INPP5D: variants seen among roughly 807,000 people sequenced by gnomAD.
INPP5D encodes the protein inositol polyphosphate-5-phosphatase D.
Under a neutral mutation model 122.9 loss-of-function variants are expected in INPP5D, and 33 were observed. The observed-to-expected ratio is 0.27, with a 90% CI of 0.20 to 0.36. The LOEUF (loss-of-function observed/expected upper bound fraction) is 0.36. INPP5D is among the 10% of genes least tolerant of loss of function. INPP5D has a pLI of 1.00. For missense variants in INPP5D, 1,053 were observed against 1,412.7 expected (o/e 0.75, Z 4.08); for synonymous variants, 584 against 576.2 (o/e 1.01, Z -0.19).
At chr2:233,086,119 C>CTCTTTCTTTCCTTCTTTCTTTCTT (rs1553569181) in intron 2 of INPP5D, among the ~76,000 whole-genome samples, 7 of 93,828 alleles carry the variant, frequency 7.5e-5, no homozygotes, top group African/African-American at 2.4e-4. Context: ...ATAAGATAGC[C>CTCTTTCTTTCCTTCTTTCTTTCTT]TCTTTCTTTC....
intron 2 of INPP5D, among the ~76,000 whole-genome samples, chr2:233,086,929 T>C (rs1196281442): frequency 2.6e-5 from 4 of 152,238 alleles, no homozygotes; most frequent in Non-Finnish European, 5.9e-5. Context: ...GCTCCAGCCC[T>C]GTCCCAGACA....
chr2:233,153,488 T>A (rs1014259065), intron 9 of INPP5D, among the ~76,000 whole-genome samples: 1 of 151,972 alleles, frequency 6.6e-6, no homozygotes, highest in Non-Finnish European at 1.5e-5. Flanking sequence ...GGAAAGGAGA[T>A]GGATAGCGAG....
At chr2:233,158,251 G>T in intron 9 of INPP5D, 62 bp from the exon 10 acceptor site, 1 of 656,584 alleles carries the variant, frequency 1.5e-6, no homozygotes. Context: ...GAACATAATG[G>T]AGACCGTCCA....
intron 14 of INPP5D, 134 bp from the exon 15 acceptor site, chr2:233,169,892 G>C: frequency 6.6e-7 from 1 of 1,510,150 alleles, no homozygotes; most frequent in Non-Finnish European, 9.0e-7. Flanking sequence ...CTGCAGCAGG[G>C]CTGGAGGGCT....
chr2:233,185,975 C>A, intron 21 of INPP5D, 50 bp downstream of exon 21: 1 of 1,520,682 alleles, frequency 6.6e-7, no homozygotes, highest in Non-Finnish European at 8.8e-7. Flanking sequence ...ATTTACTAGG[C>A]CAGTAGTACC....
chr2:233,098,071 A>G (rs1692197046), intron 2 of INPP5D, among the ~76,000 whole-genome samples: 1 of 151,864 alleles, frequency 6.6e-6, no homozygotes, highest in South Asian at 2.1e-4. Flanking sequence ...TTTTAAGTAG[A>G]TTTAAAATAC....
In INPP5D at chr2:233,164,664, G is replaced by C. The variant is rs371000882; in HGVS notation, c.1555+240G>C. On this transcript the variant is annotated intron_variant, in intron 13 of 26. Transcript: ENST00000445964. This position sits in a 1 kb window ranked among gnomAD's most constrained non-coding sequence, Gnocchi z 4.3. ...TGCAGGTTCCGACCCAGTAGATCTT[G>C]GGTGGAGCTCAGGGTTCCAAGTTTC... 6.6e-6 allele frequency among the ~76,000 whole-genome samples: 1 copy of C among 152,208 alleles called. No individual in the cohort carries two copies. Among genetic ancestry groups the C allele is most frequent in the Non-Finnish European group, 1.5e-5 (1 of 68,044 alleles).
chr2:233,102,633 G>A (rs1411331858), intron 2 of INPP5D, among the ~76,000 whole-genome samples: 1 of 151,832 alleles, frequency 6.6e-6, no homozygotes, highest in Non-Finnish European at 1.5e-5. Flanking sequence ...CAGATCACAA[G>A]GTCAGGAGAT....
At chr2:233,190,553 G>T (rs2106320577) in intron 22 of INPP5D, among the ~76,000 whole-genome samples, 1 of 17,586 alleles carries the variant, frequency 5.7e-5, no homozygotes, top group South Asian at 4.0e-3. Flanking sequence ...TGGGACTTGG[G>T]GTGCTGGAAA....
rs774819855 is a variant in INPP5D, at chr2:233,137,901, C to CATAT, written c.666-1940_666-1939insTATA. 1.0e-3 allele frequency among the ~76,000 whole-genome samples: 43 copies of CATAT among 42,212 alleles called. 10 individuals carry two copies. The highest frequency in any genetic ancestry group is 1.2e-3 in the Non-Finnish European group (19 of 15,740). The allele number at this position is 42,212 out of a possible 152,430, so 27.7% of individuals were successfully genotyped here. A position where few individuals can be genotyped will look rare whatever the true frequency, so the allele number is the denominator to read the frequency against. Reference sequence around the variant, plus strand: ...ATATATATATATATATATATATACACACACACACACACATACACATAATAT... The same window carrying CATAT: ...ATATATATATATATATATATATACACATATACACACACACACATACACATAATAT... On this transcript the variant is annotated intron_variant, in intron 5 of 26. Coordinates refer to ENST00000445964, the MANE Select transcript of INPP5D (RefSeq NM_001017915.3).
In INPP5D at chr2:233,169,835, G is replaced by A. The variant is rs1694444655; in HGVS notation, c.1653-191G>A. ...CTGTACACCCAATGTGGCCTCAAAT[G>A]CCCTTTGCATCCTGGCTGTGCCATA... is the stretch of plus-strand genomic sequence containing the variant. On this transcript the variant is annotated intron_variant, in intron 14 of 26. Coordinates refer to ENST00000445964, the MANE Select transcript of INPP5D (RefSeq NM_001017915.3). The A allele has an allele frequency of 8.6e-6, 9 of 1,051,118 alleles. No homozygotes were observed. In the South Asian group the frequency reaches 1.1e-4, roughly 13 times the overall value. 65.1% of individuals were successfully genotyped at this position (1,051,118 alleles called of 1,614,324 possible).
intron 2 of INPP5D, among the ~76,000 whole-genome samples, chr2:233,120,248 C>T (rs1692930295): frequency 6.6e-6 from 1 of 152,206 alleles, no homozygotes; most frequent in African/African-American, 2.4e-5. Flanking sequence ...GTTTGGGAGG[C>T]TGAGGTGGGT....
intron 3 of INPP5D, among the ~76,000 whole-genome samples, chr2:233,124,603 C>CT (rs1693098808): frequency 1.3e-5 from 2 of 152,208 alleles, no homozygotes; most frequent in African/African-American, 4.8e-5. Flanking sequence ...CGCGCCCTGG[C>CT]TGCACCTGAA....
chr2:233,121,640 T>C (rs1372606677), intron 2 of INPP5D, among the ~76,000 whole-genome samples: 2 of 151,862 alleles, frequency 1.3e-5, no homozygotes, highest in Non-Finnish European at 2.9e-5. Flanking sequence ...CTCAGCCTCC[T>C]GAGTAGCTGG....
intron 1 of INPP5D, among the ~76,000 whole-genome samples, chr2:233,074,872 C>G (rs1691477923): frequency 6.6e-6 from 1 of 152,066 alleles, no homozygotes; most frequent in Non-Finnish European, 1.5e-5. Flanking sequence ...TGGGTCTGTC[C>G]ATGGTGAAGA....
chr2:233,104,613 G>C (rs1395135203), intron 2 of INPP5D, among the ~76,000 whole-genome samples: 2 of 152,172 alleles, frequency 1.3e-5, no homozygotes, highest in Non-Finnish European at 2.9e-5. Context: ...TGGGGAGGAA[G>C]AGGAAGAGGA....
At position 233,188,289 on chromosome 2, in the gene INPP5D, T is replaced by A. The variant is rs192701669; in HGVS notation, c.2359-1561T>A. Among the ~76,000 whole-genome samples the A allele has an allele frequency of 4.1e-4, 62 of 152,042 alleles. No homozygotes were observed. The East Asian group carries it at 9.1e-3, about 22-fold the overall frequency. On this transcript the variant is annotated intron_variant, in intron 21 of 26. Coordinates refer to ENST00000445964, the MANE Select transcript of INPP5D (RefSeq NM_001017915.3). The surrounding 1 kb of genome is among the most constrained non-coding windows in gnomAD (Gnocchi z 4.7). Reference sequence around the variant, plus strand: ...CGGCCTCCTCTGTTCACCCTGTAAATCCCTGCTGTGGCCCCCTAGATAGTT... The same window carrying A: ...CGGCCTCCTCTGTTCACCCTGTAAAACCCTGCTGTGGCCCCCTAGATAGTT...
chr2:233,145,415 C>G, intron 6 of INPP5D: 2 of 442,514 alleles, frequency 4.5e-6, no homozygotes, highest in South Asian at 1.6e-5. Context: ...TCTCACGGAG[C>G]CTCCATTCAG....
rs1272526243 is a variant in INPP5D, at chr2:233,197,738, C to T, written c.2694-357C>T. ...TTGGTCCCAACACTTCACTAGTCCC[C>T]ATCTCTGCCCCTTGTTATTCTCAGA... is the stretch of plus-strand genomic sequence containing the variant. On this transcript the variant is annotated intron_variant, in intron 24 of 26. Transcript: ENST00000445964. This position sits in a 1 kb window ranked among gnomAD's most constrained non-coding sequence, Gnocchi z 4.4. Among the ~76,000 whole-genome samples the T allele has an allele frequency of 1.3e-5, 2 of 152,212 alleles. No individual in the cohort carries two copies. Among genetic ancestry groups the T allele is most frequent in the Non-Finnish European group, 2.9e-5 (2 of 68,044 alleles).
Sources: gnomAD v4.1 joint callset for allele counts (sites outside exome capture counted in the v4.1 genomes callset) on GRCh38, gnomAD v4.1.1 for gene constraint, Gnocchi (gnomAD v3.1) non-coding constraint, MANE v1.5 for transcripts, NCBI Gene and HGNC (gene_info 2026-07-23, HGNC 2026-07-21) for gene names.